SLIT3: variants seen among roughly 807,000 people sequenced by gnomAD.
SLIT3 encodes slit guidance ligand 3.
SLIT3 carries 68 observed loss-of-function variants against 184.0 expected under a neutral mutation model. The ratio of observed to expected loss-of-function variants is 0.37; its 90% CI spans 0.30 to 0.45. SLIT3 has a LOEUF of 0.45. Among genes scored for constraint, SLIT3 ranks in the 20% least tolerant of loss-of-function variants. The probability of loss-of-function intolerance (pLI) is 1.00; values close to 1 mark genes in which losing one functional copy is unlikely to be tolerated. For synonymous variants in SLIT3, 831 were observed against 828.6 expected (o/e 1.00, Z -0.05); for missense variants, 1,707 against 2,026.0 (o/e 0.84, Z 3.02).
chr5:168,885,953 T>G (rs1431902509), intron 4 of SLIT3, among the ~76,000 whole-genome samples: 1 of 152,108 alleles, frequency 6.6e-6, no homozygotes, highest in Non-Finnish European at 1.5e-5. Flanking sequence ...ACAGGCAAAA[T>G]CCTGCACTTG....
chr5:169,094,834 T>C (rs1408974844), intron 4 of SLIT3, among the ~76,000 whole-genome samples: 1 of 152,230 alleles, frequency 6.6e-6, no homozygotes, highest in Non-Finnish European at 1.5e-5. Flanking sequence ...ATTTATTTAC[T>C]GTCCACAGTT....
chr5:168,858,114 A>T lies in SLIT3; in HGVS notation c.486-13459T>A, dbSNP rs150961943. ...TGTTTCCAGCATTCAATAATTTCAT[A>T]GCTTTTAGAAAGCGAAGGCTAGACT... On this transcript the variant is annotated intron_variant, in intron 5 of 35. Coordinates refer to ENST00000519560, the MANE Select transcript of SLIT3 (RefSeq NM_003062.4). Among the ~76,000 whole-genome samples, 323 of 152,360 alleles carry T rather than the reference A, an allele frequency of 2.1e-3. 2 individuals carry two copies. The highest frequency in any genetic ancestry group is 3.2e-3 in the Non-Finnish European group (215 of 68,024).
intron 4 of SLIT3, among the ~76,000 whole-genome samples, chr5:169,029,589 C>G (rs962663428): frequency 6.6e-6 from 1 of 152,166 alleles, no homozygotes; most frequent in Non-Finnish European, 1.5e-5. Flanking sequence ...GCAACTGAAT[C>G]CCTAGAATAC....
Position 168,952,528 on chromosome 5 carries a change from C to CAAAAAAAAAAAAAAAAAAAAA in SLIT3, c.414-69193_414-69192insTTTTTTTTTTTTTTTTTTTTT, listed in dbSNP as rs372134778. 1.7e-3 allele frequency among the ~76,000 whole-genome samples: 135 copies of CAAAAAAAAAAAAAAAAAAAAA among 77,904 alleles called. 1 individual carries two copies. The highest frequency in any genetic ancestry group is 7.4e-3 in the African/African-American group (126 of 17,022). The allele number at this position is 77,904 out of a possible 152,430, so 51.1% of individuals were successfully genotyped here. ...AATCTCAGAGAAGAAGGGAAAATGC[C>CAAAAAAAAAAAAAAAAAAAAA]AAAAAAAAAAAAAAAAAAAAGAGGG... On this transcript the variant is annotated intron_variant, in intron 4 of 35. Coordinates refer to ENST00000519560, the MANE Select transcript of SLIT3 (RefSeq NM_003062.4).
At chr5:169,149,109 C>T (rs541103272) in intron 4 of SLIT3, among the ~76,000 whole-genome samples, 115 of 152,308 alleles carry the variant, frequency 7.6e-4, no homozygotes, top group Middle Eastern at 3.4e-3. Context: ...ACTCTAAATT[C>T]CATGGCCACA....
chr5:169,127,118 G>T (rs1050495803), intron 4 of SLIT3, among the ~76,000 whole-genome samples: 1 of 152,094 alleles, frequency 6.6e-6, no homozygotes, highest in East Asian at 1.9e-4. Context: ...TTTCAAGATG[G>T]TACCTCTCAC....
At chr5:169,142,074 AAAATAAAAATAAATAAATAAATAAAT>A (rs1397566490) in intron 4 of SLIT3, among the ~76,000 whole-genome samples, 190 of 135,482 alleles carry the variant, frequency 1.4e-3, no homozygotes, top group African/African-American at 5.3e-3. Flanking sequence ...AATAAAAATA[AAAATAAAAATAAATAAATAAATAAAT>A]AAATAAATAA....
At chr5:168,973,143 G>T (rs1356476455) in intron 4 of SLIT3, among the ~76,000 whole-genome samples, 2 of 152,124 alleles carry the variant, frequency 1.3e-5, no homozygotes, top group Admixed American at 1.3e-4. Flanking sequence ...TGACAGCCAT[G>T]AATATAACTA....
intron 4 of SLIT3, among the ~76,000 whole-genome samples, chr5:168,982,456 C>T (rs1754981811): frequency 6.6e-6 from 1 of 152,226 alleles, no homozygotes; most frequent in Non-Finnish European, 1.5e-5. Context: ...ACTTCCCAGC[C>T]TCCAGAACTG....
At position 168,866,040 on chromosome 5, in the gene SLIT3, T is replaced by C. The variant is rs1759287673; in HGVS notation, c.485+17225A>G. 2.0e-5 allele frequency among the ~76,000 whole-genome samples: 3 copies of C among 152,246 alleles called. No individual in the cohort carries two copies. The South Asian group carries it at 6.2e-4, about 32-fold the overall frequency. ...AGTAACCCAATTTGAGGAAGCTCTG[T>C]GACTCTTTGCATCTCTTTTTCAAGA... On this transcript the variant is annotated intron_variant, in intron 5 of 35. Coordinates refer to ENST00000519560, the MANE Select transcript of SLIT3 (RefSeq NM_003062.4).
intron 23 of SLIT3, among the ~76,000 whole-genome samples, chr5:168,715,006 G>A (rs1268000665): frequency 6.6e-6 from 1 of 152,112 alleles, no homozygotes; most frequent in Non-Finnish European, 1.5e-5. Context: ...TAGGTCCTAC[G>A]GTTAATACAA....
At chr5:169,040,915 ATGATGAT>A (rs1353844633) in intron 4 of SLIT3, among the ~76,000 whole-genome samples, 3 of 152,238 alleles carry the variant, frequency 2.0e-5, no homozygotes, top group African/African-American at 7.2e-5. Flanking sequence ...ACCTCTGCAA[ATGATGAT>A]TGATGCATTA....
At chr5:169,113,102 T>A (rs923927373) in intron 4 of SLIT3, among the ~76,000 whole-genome samples, 1 of 152,192 alleles carries the variant, frequency 6.6e-6, no homozygotes, top group Non-Finnish European at 1.5e-5. Context: ...CGTTCAAGTG[T>A]ACAGCTCTGT....
intron 4 of SLIT3, among the ~76,000 whole-genome samples, chr5:169,099,681 C>A (rs1235400433): frequency 6.6e-6 from 1 of 152,208 alleles, no homozygotes; most frequent in African/African-American, 2.4e-5. Flanking sequence ...TTAGTCCCAA[C>A]CATGCCATAT....
intron 4 of SLIT3, among the ~76,000 whole-genome samples, chr5:169,066,220 AT>A (rs1454573941): frequency 2.0e-5 from 3 of 152,172 alleles, no homozygotes; most frequent in Non-Finnish European, 4.4e-5. Context: ...CTACCATTAC[AT>A]TTCTCCAGTC....
intron 4 of SLIT3, among the ~76,000 whole-genome samples, chr5:169,153,816 C>T (rs1403096945): frequency 1.3e-5 from 2 of 152,208 alleles, no homozygotes; most frequent in African/African-American, 4.8e-5. Context: ...TCTCCTTGAA[C>T]TCTAGTTCTG....
intron 4 of SLIT3, among the ~76,000 whole-genome samples, chr5:169,189,803 A>T (rs962578638): frequency 6.3e-4 from 96 of 152,160 alleles, no homozygotes; most frequent in Admixed American, 6.2e-3. Flanking sequence ...GAACAGTACT[A>T]ACCATAGTAC....
chr5:169,126,584 G>GAGCACTGCCTCTCACA (rs1400003617), intron 4 of SLIT3, among the ~76,000 whole-genome samples: 1 of 152,352 alleles, frequency 6.6e-6, no homozygotes, highest in East Asian at 1.9e-4. Flanking sequence ...GGTTGACACA[G>GAGCACTGCCTCTCACA]AGCACTGCCT....
intron 12 of SLIT3, among the ~76,000 whole-genome samples, chr5:168,781,368 T>C (rs1287608764): frequency 6.6e-6 from 1 of 152,210 alleles, no homozygotes; most frequent in African/African-American, 2.4e-5. Context: ...GCCACATGGT[T>C]ACCAATCAGT....
Sources: allele counts gnomAD v4.1 joint callset (sites outside exome capture counted in the v4.1 genomes callset), GRCh38; gene constraint gnomAD v4.1.1; transcripts MANE v1.5; gene names NCBI Gene and HGNC (gene_info 2026-07-23, HGNC 2026-07-21).